The following ENTPD5 variants were observed in gnomAD, a reference collection of about 807,000 sequenced individuals.
ENTPD5 encodes ectonucleoside triphosphate diphosphohydrolase 5 (inactive), also known as nucleoside diphosphate phosphatase ENTPD5.
In ENTPD5, 49 loss-of-function variants were observed where a neutral mutation model predicts 60.2. The ratio of observed to expected loss-of-function variants is 0.81; its 90% CI spans 0.65 to 1.03. The LOEUF (loss-of-function observed/expected upper bound fraction) is 1.03, where lower values mean the gene tolerates loss of function less well. Ranked by LOEUF, ENTPD5 falls within the 50% of genes least tolerant of loss-of-function variation. The probability of loss-of-function intolerance (pLI) is 0.00; values close to 1 mark genes in which losing one functional copy is unlikely to be tolerated. For missense variants in ENTPD5, 480 were observed against 507.6 expected, an observed-to-expected ratio of 0.95 and a Z score of 0.52; for synonymous variants, 187 against 185.4, an observed-to-expected ratio of 1.01 and a Z score of -0.07.
At chr14:73,958,353 C>A (rs3764859), downstream of ENTPD5, 743,614 of 1,604,650 alleles carry the variant, frequency 0.46, 176,855 homozygotes, top group South Asian at 0.5. Context: ...CTCTGGTTTT[C>A]GATTTAAGCT....
chr14:73,971,758 C>T lies in ENTPD5; in HGVS notation c.1084+94G>A, dbSNP rs1239331959. ...GGAAACTAGCCTTCTGATAGGCCTTCTGAGCTGACTGAGGTGCTTTAGGTC... is the reference window on the plus strand; with the variant it reads ...GGAAACTAGCCTTCTGATAGGCCTTTTGAGCTGACTGAGGTGCTTTAGGTC... On this transcript the variant is annotated intron_variant, in intron 14 of 15. Coordinates refer to ENST00000334696, the MANE Select transcript of ENTPD5 (RefSeq NM_001249.5). 4.4e-5 allele frequency: 36 copies of T among 813,522 alleles called. No individual in the cohort carries two copies. In the South Asian group the frequency reaches 4.8e-4, roughly 11 times the overall value. The allele number at this position is 813,522 out of a possible 1,614,324, so 50.4% of individuals were successfully genotyped here. A position where few individuals can be genotyped will look rare whatever the true frequency, so the allele number is the denominator to read the frequency against.
intron 12 of ENTPD5, 47 bp from the exon 13 acceptor site, chr14:73,973,071 GA>G: frequency 1.9e-6 from 3 of 1,605,518 alleles, no homozygotes; most frequent in Non-Finnish European, 2.6e-6. Context: ...GACGCTGGGG[GA>G]AGGGGACACT....
chr14:74,007,379 G>C (rs1452841755), intron 3 of ENTPD5, among the ~76,000 whole-genome samples: 3 of 152,040 alleles, frequency 2.0e-5, no homozygotes, highest in Admixed American at 6.6e-5. Context: ...AAATTAGCTG[G>C]GCATGCTGGC....
chr14:74,005,546 G>A (rs771934724), intron 3 of ENTPD5, among the ~76,000 whole-genome samples: 20 of 152,024 alleles, frequency 1.3e-4, no homozygotes, highest in Non-Finnish European at 2.6e-4. Context: ...GGTGGCTCAC[G>A]CCTGTAATCC....
intron 3 of ENTPD5, chr14:74,003,339 G>C: frequency 2.0e-6 from 1 of 500,650 alleles, no homozygotes; most frequent in Admixed American, 2.5e-5. Flanking sequence ...ACTGACAATA[G>C]AAATGGGCTA....
chr14:74,004,375 C>G (rs1367510514), intron 3 of ENTPD5, among the ~76,000 whole-genome samples: 2 of 152,094 alleles, frequency 1.3e-5, no homozygotes, highest in Admixed American at 1.3e-4. Context: ...GCCATATTGG[C>G]CAGGCTCAAA....
intron 6 of ENTPD5, among the ~76,000 whole-genome samples, chr14:73,979,689 T>C (rs1273497348): frequency 1.3e-5 from 2 of 152,102 alleles, no homozygotes; most frequent in Non-Finnish European, 2.9e-5. Flanking sequence ...GCCAGGATGG[T>C]CTCGATCTCC....
At chr14:73,960,294 G>C (rs1044286007), downstream of ENTPD5, 4 of 985,710 alleles carry the variant, frequency 4.1e-6, no homozygotes, top group South Asian at 4.7e-5. Context: ...CAAAATGAGA[G>C]AACTTTTGTA....
chr14:73,966,976 G>C lies in ENTPD5; in HGVS notation c.1239C>G (p.Ala413=). 3 of 1,614,198 alleles carry C rather than the reference G, an allele frequency of 1.9e-6. No homozygotes were observed. Among genetic ancestry groups the C allele is most frequent in the Non-Finnish European group, 2.5e-6 (3 of 1,180,012 alleles). ...GCAACAGGTGAAAGGTGGCCCCCAA[G>C]GCCCAGCCCGTCTCTATGTTGTTCA... The part of the protein sequence containing the change: ...KKVNNIETGW[A]LGATFHLLQS... The change falls in exon 16 of 16, where the codon GCC becomes GCG. Residue 413 remains alanine (A), a synonymous_variant. Transcript: ENST00000334696.
At position 73,977,097 on chromosome 14, in the gene ENTPD5, A is replaced by AT. The variant is rs773375954; in HGVS notation, c.518-39dup. 4.4e-6 allele frequency: 7 copies of AT among 1,590,648 alleles called. No homozygotes were observed. The African/African-American group carries it at 9.5e-5, about 22-fold the overall frequency. Reference sequence around the variant, plus strand: ...AAAGACAAGGATTAGATCCCAGAGCATTTTTTCTCTTTCCTGGCCCCAACC... The same window carrying AT: ...AAAGACAAGGATTAGATCCCAGAGCATTTTTTTCTCTTTCCTGGCCCCAACC... On this transcript the variant is annotated intron_variant, in intron 7 of 15. Coordinates refer to ENST00000334696, the MANE Select transcript of ENTPD5 (RefSeq NM_001249.5).
rs1328748030 is a variant in ENTPD5 at position 73,975,969 on chromosome 14, A to C, written c.689T>G (p.Met230Arg). The change falls in exon 10 of 16, where the codon ATG becomes AGG. Residue 230 changes from methionine (M) to arginine (R), a missense_variant. Transcript: ENST00000334696. ...ATAGAGCTTATAAGTGCTGTTAAACATCTCAAAGGAAGTGAGGTAGCCCCT... is the reference window on the plus strand; with the variant it reads ...ATAGAGCTTATAAGTGCTGTTAAACCTCTCAAAGGAAGTGAGGTAGCCCCT... Reference protein sequence around the residue: ...TPRGYLTSFEMFNSTYKLYTH... With the variant: ...TPRGYLTSFERFNSTYKLYTH... 6 of 1,613,764 alleles carry C rather than the reference A, an allele frequency of 3.7e-6. No homozygotes were observed. Among genetic ancestry groups the C allele is most frequent in the Admixed American group, 1.7e-5 (1 of 60,012 alleles).
downstream of ENTPD5, chr14:73,959,569 C>G: frequency 1.2e-6 from 2 of 1,612,998 alleles, no homozygotes; most frequent in Non-Finnish European, 1.7e-6. Context: ...GGGGGAGATA[C>G]AGAAAGGTGT....
chr14:74,007,296 C>T (rs558202513), intron 3 of ENTPD5, among the ~76,000 whole-genome samples: 61 of 152,174 alleles, frequency 4.0e-4, no homozygotes, highest in East Asian at 2.7e-3. Flanking sequence ...TCAAGGAGGG[C>T]GGATCACGAG....
intron 9 of ENTPD5, 106 bp from the exon 10 acceptor site, chr14:73,976,121 T>G (rs1357183644): frequency 2.0e-6 from 2 of 983,170 alleles, no homozygotes; most frequent in African/African-American, 1.6e-5. Flanking sequence ...TGAAGACAGA[T>G]TAAGGGGCTA....
intron 3 of ENTPD5, chr14:74,003,346 G>C: frequency 1.9e-6 from 1 of 530,380 alleles, no homozygotes; most frequent in South Asian, 1.6e-5. Flanking sequence ...ATAGAAATGG[G>C]CTAGGGTTTC....
chr14:73,992,026 A>ATATAT (rs202056669), intron 3 of ENTPD5, among the ~76,000 whole-genome samples: 1 of 150,862 alleles, frequency 6.6e-6, no homozygotes, highest in South Asian at 2.1e-4. Flanking sequence ...TATATATATA[A>ATATAT]AATATTTTCA....
downstream of ENTPD5, chr14:73,955,934 G>T (rs1566685150): frequency 6.2e-7 from 1 of 1,613,880 alleles, no homozygotes; most frequent in Non-Finnish European, 8.5e-7. Context: ...GTCTGGTGAG[G>T]CCCCCATCTT....
At chr14:73,970,785 A>AAGAT (rs1446346432) in intron 14 of ENTPD5, among the ~76,000 whole-genome samples, 2 of 152,170 alleles carry the variant, frequency 1.3e-5, no homozygotes, top group Non-Finnish European at 2.9e-5. Flanking sequence ...GCTACTCGAT[A>AAGAT]AGATCATTTG....
At chr14:73,959,439 GT>G, downstream of ENTPD5, 1 of 1,614,194 alleles carries the variant, frequency 6.2e-7, no homozygotes, top group Non-Finnish European at 8.5e-7. Context: ...GAGTTCCTTG[GT>G]TTGGTCCACG....
Sources: allele counts gnomAD v4.1 joint callset (sites outside exome capture counted in the v4.1 genomes callset), GRCh38; gene constraint gnomAD v4.1.1; transcripts MANE v1.5; gene names NCBI Gene and HGNC (gene_info 2026-07-23, HGNC 2026-07-21).